The following CEP95 variants were observed in gnomAD, a reference collection of about 807,000 sequenced individuals.
CEP95 encodes the protein centrosomal protein 95.
In CEP95, 98 loss-of-function variants were observed where a neutral mutation model predicts 111.2. The observed-to-expected ratio is 0.88, with a 90% CI of 0.75 to 1.04. CEP95 has a LOEUF of 1.04. CEP95 is among the 50% of genes least tolerant of loss of function. The pLI is 0.00. For missense variants in CEP95, 1,027 were observed against 977.2 expected (o/e 1.05, Z -0.68); for synonymous variants, 323 against 327.1 (o/e 0.99, Z 0.14).
intron 7 of CEP95, 82 bp downstream of exon 7, chr17:64,521,609 T>G: frequency 7.8e-7 from 1 of 1,274,760 alleles, no homozygotes; most frequent in Middle Eastern, 1.9e-4. Context: ...TTTTTACTTT[T>G]ATTGCTGTAT....
intron 1 of CEP95, chr17:64,507,997 C>A (rs2038662762): frequency 1.0e-6 from 1 of 985,276 alleles, no homozygotes; most frequent in Non-Finnish European, 1.2e-6. Context: ...TCATGTACTT[C>A]CCATATTTTC....
In CEP95 at chr17:64,522,846, A is replaced by G. The variant is rs1967465575; in HGVS notation, c.860A>G (p.His287Arg). 5 of 1,613,098 alleles carry G rather than the reference A, an allele frequency of 3.1e-6. No individual in the cohort carries two copies. Among genetic ancestry groups the G allele is most frequent in the South Asian group, 1.1e-5 (1 of 91,026 alleles). The change falls in exon 8 of 20, where the codon CAC becomes CGC. Residue 287 changes from histidine (H) to arginine (R), a missense_variant. Coordinates refer to ENST00000556440, the MANE Select transcript of CEP95 (RefSeq NM_138363.3). Reference sequence around the variant, plus strand: ...GGAAAAGAATACTTGCATTCAAGTCACTGCTCCCCAGCCGTAAATTCTACT... The same window carrying G: ...GGAAAAGAATACTTGCATTCAAGTCGCTGCTCCCCAGCCGTAAATTCTACT... ...PIGKEYLHSS[H>R]CSPAVNSTGE... is the part of the protein sequence containing the mutation.
chr17:64,508,011 C>G, intron 1 of CEP95: 1 of 985,094 alleles, frequency 1.0e-6, no homozygotes, highest in Non-Finnish European at 1.2e-6. Context: ...TATTTTCTTT[C>G]ATATAGATCG....
chr17:64,510,893 TTTATC>T (rs1448490281), intron 3 of CEP95, among the ~76,000 whole-genome samples: 3 of 152,170 alleles, frequency 2.0e-5, no homozygotes, highest in Non-Finnish European at 4.4e-5. Context: ...TCTTTTCTAT[TTTATC>T]TAAGCATCGG....
chr17:64,534,802 T>G, intron 17 of CEP95, 65 bp downstream of exon 17: 1 of 1,553,150 alleles, frequency 6.4e-7, no homozygotes, highest in Non-Finnish European at 8.7e-7. Context: ...CAGGACCACC[T>G]TCTTTGTTCG....
In CEP95 at chr17:64,525,749, CT is replaced by C. The variant is rs528883278; in HGVS notation, c.910-14del. On this transcript the variant is annotated intron_variant, in intron 8 of 19. Transcript: ENST00000556440. ...CTTATTTGTAGCTTTTTCAAATCAA[CT>C]TTTTTTCTGTTTTTAATAGGATCTA... The C allele has an allele frequency of 6.6e-7, 1 of 1,519,454 alleles. No individual in the cohort carries two copies. Among genetic ancestry groups the C allele is most frequent in the Admixed American group, 1.9e-5 (1 of 52,826 alleles). The allele number at this position is 1,519,454 out of a possible 1,614,324, so 94.1% of individuals were successfully genotyped here.
rs1555681704 is a variant in CEP95, at chr17:64,537,024, T to C, written c.2218-17T>C. ...AACATTAAATATAATATTTGTTTTT[T>C]TTCTTCCTATAAACAGTTTTCATTG... On this transcript the variant is annotated splice_polypyrimidine_tract_variant and intron_variant, in intron 18 of 19. Coordinates refer to ENST00000556440, the MANE Select transcript of CEP95 (RefSeq NM_138363.3). 1 of 1,593,896 alleles carries C rather than the reference T, an allele frequency of 6.3e-7. No individual in the cohort carries two copies. The highest frequency in any genetic ancestry group is 1.1e-5 in the South Asian group (1 of 87,494).
intron 5 of CEP95, among the ~76,000 whole-genome samples, chr17:64,517,854 TTAACA>T (rs1966994749): frequency 6.6e-6 from 1 of 152,044 alleles, no homozygotes; most frequent in Non-Finnish European, 1.5e-5. Context: ...ATTTTTAAAC[TTAACA>T]TTAAGTGTTC....
In CEP95 at chr17:64,536,600, A is replaced by G; in HGVS notation, c.2071-2A>G. 6.3e-7 allele frequency: 1 copy of G among 1,587,874 alleles called. No homozygotes were observed. Among genetic ancestry groups the G allele is most frequent in the Non-Finnish European group, 8.5e-7 (1 of 1,169,808 alleles). ...CTATTTTTACGATTAAATAACTGACAGATATTTAAGAAACTGTTTGAAGAA... is the reference window on the plus strand; with the variant it reads ...CTATTTTTACGATTAAATAACTGACGGATATTTAAGAAACTGTTTGAAGAA... On this transcript the variant is annotated splice_acceptor_variant, in intron 17 of 19. Transcript: ENST00000556440. LOFTEE classifies it high-confidence loss of function.
chr17:64,508,269 A>G, intron 1 of CEP95: 1 of 986,260 alleles, frequency 1.0e-6, no homozygotes, highest in Non-Finnish European at 1.2e-6. Context: ...TTACTTGTAA[A>G]TATGTTTTAA....
chr17:64,534,755 G>A lies in CEP95; in HGVS notation c.2070+18G>A, dbSNP rs1555681221. The stretch of plus-strand genomic sequence containing the variant: ...AAGAAATGGTAAGTCTGACTTTTCT[G>A]TCCAGCCCTGTTAAGAAGGTGAACT... On this transcript the variant is annotated intron_variant, in intron 17 of 19. Transcript: ENST00000556440. 1 of 1,604,466 alleles carries A rather than the reference G, an allele frequency of 6.2e-7. No homozygotes were observed. Among genetic ancestry groups the A allele is most frequent in the Admixed American group, 1.7e-5 (1 of 58,462 alleles).
intron 3 of CEP95, among the ~76,000 whole-genome samples, chr17:64,511,937 C>T (rs1015122780): frequency 3.9e-5 from 6 of 152,248 alleles, no homozygotes; most frequent in Non-Finnish European, 5.9e-5. Flanking sequence ...AACACCTGGC[C>T]GTATTGTTTT....
intron 17 of CEP95, chr17:64,535,075 A>C (rs1426800762): frequency 6.2e-6 from 2 of 322,402 alleles, no homozygotes; most frequent in Non-Finnish European, 1.2e-5. Context: ...TGCATTCCAC[A>C]TAAAATCAGG....
intron 8 of CEP95, 63 bp from the exon 9 acceptor site, chr17:64,525,707 C>T (rs1555678920): frequency 9.2e-7 from 1 of 1,092,018 alleles, no homozygotes; most frequent in Non-Finnish European, 1.3e-6. Context: ...TTCCTCACTC[C>T]CAGAAAGTTC....
intron 5 of CEP95, among the ~76,000 whole-genome samples, chr17:64,518,677 A>C (rs1300795058): frequency 6.6e-6 from 1 of 152,068 alleles, no homozygotes; most frequent in Non-Finnish European, 1.5e-5. Context: ...GACCATCATA[A>C]GATGAAATTT....
At position 64,510,162 on chromosome 17, in the gene CEP95, T is replaced by C. The variant is rs57166100; in HGVS notation, c.149-11T>C. The C allele has an allele frequency of 0.055, 80,205 of 1,446,602 alleles. 4,562 individuals carry two copies. Among genetic ancestry groups the C allele is most frequent in the African/African-American group, 0.29 (20,721 of 70,254 alleles). The allele number at this position is 1,446,602 out of a possible 1,614,324, so 89.6% of individuals were successfully genotyped here. A position where few individuals can be genotyped will look rare whatever the true frequency, so the allele number is the denominator to read the frequency against. On this transcript the variant is annotated splice_polypyrimidine_tract_variant and intron_variant, in intron 2 of 19. Coordinates refer to ENST00000556440, the MANE Select transcript of CEP95 (RefSeq NM_138363.3). ...ATGGATACAAAATTATGTGATTTTT[T>C]CCCCCCCCAGACCTCATAGTTATTC... is the stretch of plus-strand genomic sequence containing the variant.
rs1967889787 is a variant in CEP95 at position 64,527,264 on chromosome 17, G to T, written c.1306G>T (p.Gly436Ter). ...VEYGPKKSRP[G>*]LSMRRKPPYR... ...GTATGGGCCAAAGAAGTCAAGGCCA[G>T]GTACTTACCCCAGAGAGACTGAGAA... is the stretch of plus-strand genomic sequence containing the variant. Residue 436 changes from glycine (G) to a stop codon, truncating the protein, a stop_gained and splice_region_variant, in exon 11 of 20, where the codon GGA becomes TGA. Coordinates refer to ENST00000556440, the MANE Select transcript of CEP95 (RefSeq NM_138363.3). LOFTEE classifies it high-confidence loss of function. 1 of 1,607,042 alleles carries T rather than the reference G, an allele frequency of 6.2e-7. No individual in the cohort carries two copies. Among genetic ancestry groups the T allele is most frequent in the Admixed American group, 1.7e-5 (1 of 59,042 alleles).
chr17:64,512,287 T>C lies in CEP95; in HGVS notation c.257-1961T>C, dbSNP rs183932558. 4.2e-3 allele frequency among the ~76,000 whole-genome samples: 642 copies of C among 152,344 alleles called. 2 individuals are homozygous for C. Among genetic ancestry groups the C allele is most frequent in the Middle Eastern group, 0.014 (4 of 294 alleles). ...TATACAAGAAACTCGTAATACTGAT[T>C]GCTTCCAACAAAGGGAACCTCAGGG... is the stretch of plus-strand genomic sequence containing the variant. On this transcript the variant is annotated intron_variant, in intron 3 of 19. Coordinates refer to ENST00000556440, the MANE Select transcript of CEP95 (RefSeq NM_138363.3).
intron 2 of CEP95, 29 bp from the exon 3 acceptor site, chr17:64,510,144 C>T (rs782363637): frequency 1.4e-6 from 2 of 1,385,748 alleles, no homozygotes; most frequent in East Asian, 2.3e-5. Flanking sequence ...CTCATGGATA[C>T]AAAATTATGT....
Sources: gnomAD v4.1 joint callset for allele counts (sites outside exome capture counted in the v4.1 genomes callset) on GRCh38, gnomAD v4.1.1 for gene constraint, MANE v1.5 for transcripts, NCBI Gene and HGNC (gene_info 2026-07-23, HGNC 2026-07-21) for gene names.